CDCA2: variants seen among roughly 807,000 people sequenced by gnomAD.
CDCA2 encodes cell division cycle-associated protein 2.
CDCA2 carries 44 observed loss-of-function variants against 67.0 expected under a neutral mutation model. That is an observed-to-expected ratio of 0.66 (90% CI 0.52 to 0.84). The LOEUF (loss-of-function observed/expected upper bound fraction) is 0.84, where lower values mean the gene tolerates loss of function less well. Among genes scored for constraint, CDCA2 ranks in the 40% least tolerant of loss-of-function variants. The probability of loss-of-function intolerance (pLI) is 0.00; values close to 1 mark genes in which losing one functional copy is unlikely to be tolerated. For missense variants in CDCA2, 1,253 were observed against 1,203.2 expected (o/e 1.04, Z -0.61); for synonymous variants, 447 against 418.7 (o/e 1.07, Z -0.82).
At chr8:25,493,696 G>C (rs1197078653) in intron 13 of CDCA2, among the ~76,000 whole-genome samples, 2 of 152,202 alleles carry the variant, frequency 1.3e-5, no homozygotes, top group Non-Finnish European at 2.9e-5. Flanking sequence ...AATTGCAGCT[G>C]TAACGTGCAT....
intron 7 of CDCA2, among the ~76,000 whole-genome samples, chr8:25,471,552 C>T (rs971734885): frequency 7.2e-5 from 11 of 152,030 alleles, no homozygotes; most frequent in Non-Finnish European, 1.5e-4. Flanking sequence ...TCAGTTGAAA[C>T]AGGGTTTCAC....
chr8:25,462,333 C>T, intron 4 of CDCA2, 125 bp downstream of exon 4: 1 of 1,134,954 alleles, frequency 8.8e-7, no homozygotes, highest in Non-Finnish European at 1.3e-6. Flanking sequence ...TTTTAGAGAA[C>T]ATGCAGTTAG....
chr8:25,486,924 A>G (rs916413604), intron 11 of CDCA2, among the ~76,000 whole-genome samples: 2 of 152,228 alleles, frequency 1.3e-5, no homozygotes, highest in African/African-American at 2.4e-5. Flanking sequence ...ATTTCATTAT[A>G]CAAAATGTAT....
At position 25,460,276 on chromosome 8, in the gene CDCA2, A is replaced by T. The variant is rs1416239215; in HGVS notation, c.37A>T (p.Lys13Ter). ...TTCAAAAGACAAGCCCCCTGAAACC[A>T]AGGAGTCTGCAATGAATAATGCTGG... ...ANSKDKPPET[K>*]ESAMNNAGNA... The change falls in exon 2 of 15, where the codon AAG becomes TAG. Residue 13 changes from lysine to a stop codon, truncating the protein, a stop_gained. Coordinates refer to ENST00000330560, the MANE Select transcript of CDCA2 (RefSeq NM_152562.4). LOFTEE classifies it high-confidence loss of function. 1 of 1,614,154 alleles carries T rather than the reference A, an allele frequency of 6.2e-7. No individual in the cohort carries two copies. Among genetic ancestry groups the T allele is most frequent in the South Asian group, 1.1e-5 (1 of 91,080 alleles).
At chr8:25,481,236 A>AC (rs1338807365) in intron 8 of CDCA2, among the ~76,000 whole-genome samples, 1 of 149,564 alleles carries the variant, frequency 6.7e-6, no homozygotes, top group African/African-American at 2.5e-5. Context: ...TCTGGGACAA[A>AC]AAAAAAAAAA....
Position 25,503,487 on chromosome 8 carries a change from C to G in CDCA2, c.1786C>G (p.Leu596Val), listed in dbSNP as rs1482540877. 6.2e-7 allele frequency: 1 copy of G among 1,614,004 alleles called. No individual in the cohort carries two copies. The highest frequency in any genetic ancestry group is 8.5e-7 in the Non-Finnish European group (1 of 1,179,958). Residue 596 changes from leucine (L) to valine (V), a missense_variant, in exon 14 of 15, where the codon CTG becomes GTG. By Grantham distance (32) the Leu-to-Val change is conservative (BLOSUM62 1). Transcript: ENST00000330560. ...GCCCCTCCTCAGTCCTATTCCCGAG[C>G]TGCCTGAAGTCCCTGAGATGACACC... ...KKPLLSPIPE[L>V]PEVPEMTPSI...
chr8:25,461,707 C>T (rs971076399), intron 3 of CDCA2, among the ~76,000 whole-genome samples: 9 of 152,106 alleles, frequency 5.9e-5, no homozygotes, highest in Non-Finnish European at 1.0e-4. Context: ...ATAAAACTGA[C>T]TTATTTAGAA....
At chr8:25,494,422 A>G (rs1804127283) in intron 13 of CDCA2, among the ~76,000 whole-genome samples, 1 of 152,246 alleles carries the variant, frequency 6.6e-6, no homozygotes, top group South Asian at 2.1e-4. Context: ...CTTGGTGTTA[A>G]GTCATCTAGA....
chr8:25,460,604 C>CT, intron 3 of CDCA2, 50 bp downstream of exon 3: 1 of 1,549,170 alleles, frequency 6.5e-7, no homozygotes, highest in Non-Finnish European at 8.8e-7. Flanking sequence ...TTAAAAATAA[C>CT]TTTAATATAA....
chr8:25,479,490 G>A lies in CDCA2; in HGVS notation c.821-423G>A, dbSNP rs868231848. ...TGATGATCTTTCTTTTCTCATTCCTGCCACCCTCGGATGTTGAAATGCCTG... is the reference window on the plus strand; with the variant it reads ...TGATGATCTTTCTTTTCTCATTCCTACCACCCTCGGATGTTGAAATGCCTG... On this transcript the variant is annotated intron_variant, in intron 7 of 14. Coordinates refer to ENST00000330560, the MANE Select transcript of CDCA2 (RefSeq NM_152562.4). 5.9e-5 allele frequency among the ~76,000 whole-genome samples: 9 copies of A among 152,264 alleles called. No individual in the cohort carries two copies. The South Asian group carries it at 8.3e-4, about 14-fold the overall frequency.
chr8:25,506,414 C>A, intron 14 of CDCA2, 96 bp from the exon 15 acceptor site: 1 of 1,216,568 alleles, frequency 8.2e-7, no homozygotes, highest in Non-Finnish European at 1.1e-6. Flanking sequence ...GCTTAAAACA[C>A]AAAAACAAAA....
chr8:25,486,648 CAAAA>C (rs34058825), intron 11 of CDCA2, among the ~76,000 whole-genome samples: 2 of 137,492 alleles, frequency 1.5e-5, no homozygotes, highest in Non-Finnish European at 1.6e-5. Flanking sequence ...ACTGAAAATA[CAAAA>C]AAAAAAAAAA....
At position 25,506,601 on chromosome 8, in the gene CDCA2, G is replaced by C. The variant is rs760019709; in HGVS notation, c.1935G>C (p.Leu645Phe). Residue 645 changes from leucine to phenylalanine, a missense_variant, in exon 15 of 15, where the codon TTG (leucine) becomes TTC (phenylalanine). By Grantham distance (22) the Leu-to-Phe change is conservative. Transcript: ENST00000330560. ...ATCTTTTGCGTCATGACCCAGATTTGCATATGCATCAAGGCTATGATAAAT... is the reference window on the plus strand; with the variant it reads ...ATCTTTTGCGTCATGACCCAGATTTCCATATGCATCAAGGCTATGATAAAT... ...RKDLLRHDPD[L>F]HMHQGYDKYD... is the part of the protein sequence containing the mutation. 4 of 1,610,246 alleles carry C rather than the reference G, an allele frequency of 2.5e-6. No individual in the cohort carries two copies. In the Admixed American group the frequency reaches 5.1e-5, roughly 20 times the overall value.
intron 12 of CDCA2, among the ~76,000 whole-genome samples, chr8:25,487,571 C>A (rs1803830433): frequency 6.6e-6 from 1 of 152,130 alleles, no homozygotes; most frequent in African/African-American, 2.4e-5. Flanking sequence ...AAAATCCCAT[C>A]TCTACTAGAA....
chr8:25,501,607 C>T (rs1804478903), intron 13 of CDCA2, among the ~76,000 whole-genome samples: 1 of 152,236 alleles, frequency 6.6e-6, no homozygotes, highest in Non-Finnish European at 1.5e-5. Flanking sequence ...GCATCGCCCC[C>T]ATAGTAGGCC....
At position 25,460,491 on chromosome 8, in the gene CDCA2, T is replaced by C. The variant is rs1200568896; in HGVS notation, c.169T>C (p.Phe57Leu). 1.2e-6 allele frequency: 2 copies of C among 1,614,090 alleles called. No individual in the cohort carries two copies. The highest frequency in any genetic ancestry group is 2.2e-5 in the East Asian group (1 of 44,892). The change falls in exon 3 of 15, where the codon TTT becomes CTT. Residue 57 changes from phenylalanine to leucine, a missense_variant. Phe to Leu is a conservative substitution (Grantham distance 22, BLOSUM62 0). Coordinates refer to ENST00000330560, the MANE Select transcript of CDCA2 (RefSeq NM_152562.4). ...AGATACTTTTAAATCACCTTTGAAC[T>C]TTTCCACAGTAACCGTAGAGCAATT... ...TPDTFKSPLN[F>L]STVTVEQLGI...
At chr8:25,482,663 G>A (rs1030713989) in intron 8 of CDCA2, among the ~76,000 whole-genome samples, 10 of 152,190 alleles carry the variant, frequency 6.6e-5, no homozygotes, top group Admixed American at 2.0e-4. Flanking sequence ...GAGCTCATGG[G>A]TTCAAGACCT....
At chr8:25,469,217 G>A (rs7832334) in intron 6 of CDCA2, among the ~76,000 whole-genome samples, 4,643 of 152,212 alleles carry the variant, frequency 0.031, 86 homozygotes, top group South Asian at 0.063. Flanking sequence ...TCCAGTGCTC[G>A]TCCTATTCGT....
intron 7 of CDCA2, chr8:25,472,029 T>C (rs964973885): frequency 1.4e-4 from 22 of 152,208 alleles, no homozygotes; most frequent in Non-Finnish European, 1.6e-4. Flanking sequence ...CAAATGTCTC[T>C]TTGTTAAGGG....
Sources: gnomAD v4.1 joint callset for allele counts (sites outside exome capture counted in the v4.1 genomes callset) on GRCh38, gnomAD v4.1.1 for gene constraint, MANE v1.5 for transcripts, NCBI Gene and HGNC (gene_info 2026-07-23, HGNC 2026-07-21) for gene names.